Variants in EPHA6 observed in about 807,000 individuals in gnomAD.
EPHA6 encodes EPH receptor A6.
In EPHA6, 50 loss-of-function variants were observed where a neutral mutation model predicts 112.0. The observed-to-expected ratio is 0.45, with a 90% CI of 0.36 to 0.56. The LOEUF (loss-of-function observed/expected upper bound fraction) is 0.56. Among genes scored for constraint, EPHA6 ranks in the 20% least tolerant of loss-of-function variants. EPHA6 has a pLI of 0.00. For synonymous variants in EPHA6, 529 were observed against 490.7 expected (o/e 1.08, Z -1.03); for missense variants, 1,280 against 1,417.4 (o/e 0.90, Z 1.56).
intron 3 of EPHA6, among the ~76,000 whole-genome samples, chr3:97,039,697 T>C (rs2108048142): frequency 6.6e-6 from 1 of 152,182 alleles, no homozygotes; most frequent in Admixed American, 6.6e-5. Flanking sequence ...AATGTTTATG[T>C]AAAATTTACA....
chr3:97,548,024 T>G (rs956326630), intron 11 of EPHA6, among the ~76,000 whole-genome samples: 15 of 148,430 alleles, frequency 1.0e-4, no homozygotes, highest in Admixed American at 2.7e-4. Context: ...CCGGGTGAGG[T>G]GACGCCTCGC....
chr3:97,219,853 A>G (rs915618552), intron 3 of EPHA6, among the ~76,000 whole-genome samples: 7 of 152,212 alleles, frequency 4.6e-5, no homozygotes, highest in South Asian at 2.1e-4. Flanking sequence ...CCAAAATTTT[A>G]TGCTCTACTT....
chr3:96,911,274 G>A (rs1179097670), intron 2 of EPHA6, among the ~76,000 whole-genome samples: 1 of 151,950 alleles, frequency 6.6e-6, no homozygotes, highest in Non-Finnish European at 1.5e-5. Context: ...TAGTCAGAAA[G>A]TTGATTCTAT....
Position 97,526,070 on chromosome 3 carries a change from C to T in EPHA6, c.2201-6288C>T, listed in dbSNP as rs1012500411. On this transcript the variant is annotated intron_variant, in intron 10 of 17. Transcript: ENST00000389672. Reference sequence around the variant, plus strand: ...CCAAGGCTGAGATCTTTAGCCCCCACGAATAGGTATGTGTACAGTGGTTTC... The same window carrying T: ...CCAAGGCTGAGATCTTTAGCCCCCATGAATAGGTATGTGTACAGTGGTTTC... Among the ~76,000 whole-genome samples the T allele has an allele frequency of 1.2e-4, 19 of 152,230 alleles. 1 individual carries two copies. Among genetic ancestry groups the T allele is most frequent in the African/African-American group, 2.2e-4 (9 of 41,542 alleles).
At chr3:97,379,993 G>C (rs16838602) in intron 5 of EPHA6, among the ~76,000 whole-genome samples, 9,013 of 152,090 alleles carry the variant, frequency 0.059, 844 homozygotes, top group African/African-American at 0.2. Flanking sequence ...GCTCATCCAG[G>C]ATTTTCAGAA....
intron 4 of EPHA6, among the ~76,000 whole-genome samples, chr3:97,230,574 A>G (rs2078494394): frequency 6.6e-6 from 1 of 152,172 alleles, no homozygotes; most frequent in South Asian, 2.1e-4. Flanking sequence ...TTGTTGCTAT[A>G]GGGCAGGAAA....
chr3:97,399,388 C>T (rs1381108751), intron 5 of EPHA6, among the ~76,000 whole-genome samples: 1 of 151,482 alleles, frequency 6.6e-6, no homozygotes, highest in Non-Finnish European at 1.5e-5. Context: ...ATGGTGAATA[C>T]TACTGCAATA....
chr3:97,654,797 G>C (rs2107616751), intron 14 of EPHA6, among the ~76,000 whole-genome samples: 1 of 151,962 alleles, frequency 6.6e-6, no homozygotes, highest in East Asian at 1.9e-4. Flanking sequence ...GATGCTGTAG[G>C]AACTCAAAGG....
chr3:96,965,369 C>T (rs756600263), intron 2 of EPHA6, among the ~76,000 whole-genome samples: 4 of 152,002 alleles, frequency 2.6e-5, no homozygotes, highest in Non-Finnish European at 4.4e-5. Flanking sequence ...TCATTTTTAC[C>T]TATCTAATGG....
chr3:97,455,363 G>T (rs2090648479), intron 7 of EPHA6, among the ~76,000 whole-genome samples: 1 of 151,972 alleles, frequency 6.6e-6, no homozygotes, highest in Non-Finnish European at 1.5e-5. Context: ...AGAAAGTAAA[G>T]CATAATGAAG....
chr3:97,578,065 A>G (rs925398588), intron 11 of EPHA6, among the ~76,000 whole-genome samples: 1 of 152,204 alleles, frequency 6.6e-6, no homozygotes, highest in Non-Finnish European at 1.5e-5. Context: ...TGAGTATGAG[A>G]TAGAGTCATC....
intron 14 of EPHA6, among the ~76,000 whole-genome samples, chr3:97,667,108 C>A (rs1039888922): frequency 6.6e-6 from 1 of 152,066 alleles, no homozygotes; most frequent in African/African-American, 2.4e-5. Flanking sequence ...CTTACAAATG[C>A]CAGGTTTATT....
chr3:97,021,181 T>C (rs1179805878), intron 3 of EPHA6, among the ~76,000 whole-genome samples: 1 of 152,212 alleles, frequency 6.6e-6, no homozygotes, highest in Non-Finnish European at 1.5e-5. Flanking sequence ...TAGGTTAAAC[T>C]TGGACTGTAT....
intron 3 of EPHA6, among the ~76,000 whole-genome samples, chr3:97,194,135 A>G (rs1237185049): frequency 6.6e-6 from 1 of 151,130 alleles, no homozygotes. Flanking sequence ...TTGCTTTTCT[A>G]GTTCTTTAGT....
intron 2 of EPHA6, among the ~76,000 whole-genome samples, chr3:96,895,983 G>T (rs2038249509): frequency 1.3e-5 from 2 of 152,130 alleles, no homozygotes; most frequent in South Asian, 4.1e-4. Context: ...TAGCCTATGT[G>T]TGAAGTAGGC....
intron 3 of EPHA6, among the ~76,000 whole-genome samples, chr3:97,078,975 C>T (rs916245530): frequency 5.3e-5 from 8 of 152,134 alleles, no homozygotes; most frequent in African/African-American, 1.9e-4. Context: ...GACTTAAAGA[C>T]AGGAACACCA....
intron 14 of EPHA6, among the ~76,000 whole-genome samples, chr3:97,641,832 T>C (rs538070001): frequency 5.9e-5 from 9 of 151,854 alleles, no homozygotes; most frequent in Non-Finnish European, 1.0e-4. Flanking sequence ...CAGTCTGAGA[T>C]CAAACTGCAA....
In EPHA6 at chr3:97,136,351, A is replaced by G. The variant is rs557488636; in HGVS notation, c.1115-89913A>G. On this transcript the variant is annotated intron_variant, in intron 3 of 17. Coordinates refer to ENST00000389672, the MANE Select transcript of EPHA6 (RefSeq NM_001080448.3). ...TAGAGACTATCACAATAAGACAGTA[A>G]AATCCTTTTAAAAATAAAAAGATAA... Among the ~76,000 whole-genome samples the G allele has an allele frequency of 3.3e-5, 5 of 152,290 alleles. No homozygotes were observed. The South Asian group carries it at 8.3e-4, about 25-fold the overall frequency.
At chr3:97,747,935 G>T (rs527881306) in intron 17 of EPHA6, among the ~76,000 whole-genome samples, 121 of 151,926 alleles carry the variant, frequency 8.0e-4, no homozygotes, top group African/African-American at 2.8e-3. Flanking sequence ...ATATTATCAT[G>T]TCATTTTCAG....
Sources: allele counts gnomAD v4.1 joint callset (sites outside exome capture counted in the v4.1 genomes callset), GRCh38; gene constraint gnomAD v4.1.1; transcripts MANE v1.5; gene names NCBI Gene and HGNC (gene_info 2026-07-23, HGNC 2026-07-21).